The following TANC2 variants were observed in gnomAD, a reference collection of about 807,000 sequenced individuals.
The protein encoded by TANC2 is protein TANC2.
Under a neutral mutation model 210.5 loss-of-function variants are expected in TANC2, and 26 were observed. The ratio of observed to expected loss-of-function variants is 0.12; its 90% CI spans 0.09 to 0.17. TANC2 has a LOEUF of 0.17. Among genes scored for constraint, TANC2 ranks in the 10% least tolerant of loss-of-function variants. The pLI is 1.00. For missense variants in TANC2, 2,129 were observed against 2,608.9 expected (o/e 0.82, Z 4.01); for synonymous variants, 931 against 967.1 (o/e 0.96, Z 0.69).
chr17:63,093,603 T>G (rs1489592237), intron 3 of TANC2, among the ~76,000 whole-genome samples: 1 of 152,162 alleles, frequency 6.6e-6, no homozygotes, highest in African/African-American at 2.4e-5. Context: ...CTAGTTCTTT[T>G]GTTTTTCTGT....
intron 25 of TANC2, among the ~76,000 whole-genome samples, chr17:63,414,722 G>A (rs145059411): frequency 6.6e-6 from 1 of 152,316 alleles, no homozygotes; most frequent in East Asian, 1.9e-4. Flanking sequence ...TCCCTGTGGA[G>A]TTGTAACTAT....
intron 8 of TANC2, among the ~76,000 whole-genome samples, chr17:63,248,643 G>A (rs2042978801): frequency 2.0e-5 from 3 of 152,224 alleles, no homozygotes; most frequent in South Asian, 4.1e-4. Context: ...AAGCTCCTTA[G>A]CATCTTTTTA....
chr17:63,299,740 C>T (rs1280225188), intron 9 of TANC2, among the ~76,000 whole-genome samples: 1 of 151,970 alleles, frequency 6.6e-6, no homozygotes, highest in African/African-American at 2.4e-5. Context: ...ATTGCCTGTT[C>T]ACTCTGATGA....
chr17:63,166,354 T>C (rs2145526703), intron 5 of TANC2, among the ~76,000 whole-genome samples: 1 of 152,320 alleles, frequency 6.6e-6, no homozygotes, highest in Middle Eastern at 3.4e-3. Flanking sequence ...GAGGACTTTT[T>C]TTCCATTTAT....
At chr17:63,218,911 T>C (rs544734471) in intron 7 of TANC2, among the ~76,000 whole-genome samples, 4 of 151,452 alleles carry the variant, frequency 2.6e-5, no homozygotes, top group Admixed American at 2.0e-4. Flanking sequence ...GAAAAAAAAA[T>C]AGTAAGTTTA....
chr17:63,310,866 T>C (rs2045101558), intron 9 of TANC2, among the ~76,000 whole-genome samples: 2 of 152,190 alleles, frequency 1.3e-5, no homozygotes, highest in Admixed American at 1.3e-4. Context: ...AGCAATTTGG[T>C]AAGGTGTATC....
chr17:63,190,272 C>T (rs936618537), intron 5 of TANC2, among the ~76,000 whole-genome samples: 2 of 151,884 alleles, frequency 1.3e-5, no homozygotes, highest in Non-Finnish European at 2.9e-5. Flanking sequence ...CCCAGGAGGT[C>T]GAGGCTGCAG....
At chr17:62,976,685 G>A (rs2032020191) in intron 1 of TANC2, among the ~76,000 whole-genome samples, 1 of 152,006 alleles carries the variant, frequency 6.6e-6, no homozygotes, top group African/African-American at 2.4e-5. Flanking sequence ...AAAGATCCGT[G>A]CTAACATTCT....
chr17:63,267,905 CG>C (rs1414434226), intron 9 of TANC2, 32 bp downstream of exon 9: 1 of 1,572,862 alleles, frequency 6.4e-7, no homozygotes. Context: ...TAAGGGTGCC[CG>C]GGAACAGATG....
chr17:63,011,688 A>G (rs990751981), intron 2 of TANC2, among the ~76,000 whole-genome samples: 5 of 152,132 alleles, frequency 3.3e-5, no homozygotes, highest in African/African-American at 1.2e-4. Context: ...CTTTATTTCT[A>G]ATAATGTCTT....
Position 63,412,811 on chromosome 17 carries a change from C to A in TANC2, c.3928+102C>A, listed in dbSNP as rs1205761434. The stretch of plus-strand genomic sequence containing the variant: ...TGCATGAGTTCCCTACACCTCTAAT[C>A]TTTTAATTTACTTCACCTTAAAAGA... On this transcript the variant is annotated intron_variant, in intron 24 of 27. Coordinates refer to ENST00000689528, the Ensembl canonical transcript of TANC2. The surrounding 1 kb of genome is among the most constrained non-coding windows in gnomAD (Gnocchi z 4.2). 4 of 1,361,828 alleles carry A rather than the reference C, an allele frequency of 2.9e-6. No individual in the cohort carries two copies. The highest frequency in any genetic ancestry group is 1.5e-5 in the African/African-American group (1 of 67,428). The allele number at this position is 1,361,828 out of a possible 1,614,324, so 84.4% of individuals were successfully genotyped here. A position where few individuals can be genotyped will look rare whatever the true frequency, so the allele number is the denominator to read the frequency against.
Position 63,210,005 on chromosome 17 carries a change from T to G in TANC2, c.769+9048T>G, listed in dbSNP as rs564247407. ...AGAACCACGTGTAGTTATGATACAT[T>G]TTTAAATAAATCAACTTATTTTCTA... On this transcript the variant is annotated intron_variant, in intron 7 of 27. Transcript: ENST00000689528. 3.9e-3 allele frequency among the ~76,000 whole-genome samples: 596 copies of G among 152,340 alleles called. 4 individuals are homozygous for G. Among genetic ancestry groups the G allele is most frequent in the Middle Eastern group, 0.01 (3 of 294 alleles).
chr17:63,380,000 A>G (rs998482161), intron 15 of TANC2, among the ~76,000 whole-genome samples, 174 bp downstream of exon 15: 8 of 152,292 alleles, frequency 5.3e-5, no homozygotes, highest in Admixed American at 2.6e-4. Context: ...ACTACATTGT[A>G]CATCTCCCAG....
chr17:63,257,404 G>T lies in TANC2; in HGVS notation c.1034-10344G>T, dbSNP rs558310159. Among the ~76,000 whole-genome samples the T allele has an allele frequency of 3.9e-5, 6 of 152,120 alleles. No individual in the cohort carries two copies. The South Asian group carries it at 1.2e-3, about 32-fold the overall frequency. On this transcript the variant is annotated intron_variant, in intron 8 of 27. Transcript: ENST00000689528. Reference sequence around the variant, plus strand: ...ATAGGGTCTCACTTTGTTACCCAGGGTGGAGTGCAGTGGCGTGTTCTTAGC... The same window carrying T: ...ATAGGGTCTCACTTTGTTACCCAGGTTGGAGTGCAGTGGCGTGTTCTTAGC...
In TANC2 at chr17:63,166,538, G is replaced by A. The variant is rs149163932; in HGVS notation, c.433+15158G>A. On this transcript the variant is annotated intron_variant, in intron 5 of 27. Transcript: ENST00000689528. ...TATTAGCTTCTGCTAGGAGTCCTGA[G>A]CTCTGAAAGAAAGGTCAGAGAATTT... is the stretch of plus-strand genomic sequence containing the variant. Among the ~76,000 whole-genome samples, 201 of 152,274 alleles carry A rather than the reference G, an allele frequency of 1.3e-3. 2 individuals are homozygous for A. The highest frequency in any genetic ancestry group is 4.5e-3 in the African/African-American group (188 of 41,544).
chr17:63,187,330 T>C (rs1047099644), intron 5 of TANC2, among the ~76,000 whole-genome samples: 2 of 152,334 alleles, frequency 1.3e-5, no homozygotes, highest in African/African-American at 4.8e-5. Flanking sequence ...TTGTAAAGTA[T>C]GGATAATATT....
chr17:63,211,499 C>T (rs939558189), intron 7 of TANC2, among the ~76,000 whole-genome samples: 3 of 151,840 alleles, frequency 2.0e-5, no homozygotes, highest in African/African-American at 7.3e-5. Flanking sequence ...TAGATTATCT[C>T]CTCTAATCTT....
chr17:63,063,171 T>C (rs1194068189), intron 2 of TANC2, among the ~76,000 whole-genome samples: 1 of 152,204 alleles, frequency 6.6e-6, no homozygotes, highest in African/African-American at 2.4e-5. Context: ...ATGATAGAGA[T>C]GCTTAAGGCA....
intron 14 of TANC2, among the ~76,000 whole-genome samples, chr17:63,374,660 G>A (rs187348770): frequency 7.2e-5 from 11 of 152,250 alleles, no homozygotes; most frequent in Non-Finnish European, 1.5e-5. Context: ...AGAATTCCAG[G>A]CAGAGGGAAA....
Sources: gnomAD v4.1 joint callset for allele counts (sites outside exome capture counted in the v4.1 genomes callset) on GRCh38, gnomAD v4.1.1 for gene constraint, Gnocchi (gnomAD v3.1) non-coding constraint, MANE v1.5 for transcripts, NCBI Gene and HGNC (gene_info 2026-07-23, HGNC 2026-07-21) for gene names.